EMC2: variants seen among roughly 807,000 people sequenced by gnomAD.
EMC2 encodes TPR repeat protein 35.
EMC2 carries 37 observed loss-of-function variants against 51.6 expected under a neutral mutation model. The ratio of observed to expected loss-of-function variants is 0.72; its 90% CI spans 0.55 to 0.94. EMC2 has a LOEUF of 0.94. EMC2 is among the 40% of genes least tolerant of loss of function. The pLI is 0.00. For synonymous variants in EMC2, 131 were observed against 112.4 expected (o/e 1.17, Z -1.04); for missense variants, 359 against 350.9 (o/e 1.02, Z -0.18).
intron 5 of EMC2, among the ~76,000 whole-genome samples, chr8:108,468,866 A>G (rs972382358): frequency 6.6e-6 from 1 of 152,202 alleles, no homozygotes; most frequent in African/African-American, 2.4e-5. Flanking sequence ...TACTTCAGCC[A>G]GTACTGCTTT....
chr8:108,461,319 A>G (rs549819292), intron 5 of EMC2, among the ~76,000 whole-genome samples: 12 of 152,362 alleles, frequency 7.9e-5, no homozygotes, highest in African/African-American at 2.9e-4. Context: ...ATTCTTTCAG[A>G]GAACATTTGT....
At chr8:108,478,976 T>A in intron 9 of EMC2, 30 bp from the exon 10 acceptor site, 7 of 1,379,244 alleles carry the variant, frequency 5.1e-6, no homozygotes, top group Non-Finnish European at 6.9e-6. Flanking sequence ...AAAAAGGAAT[T>A]TTGCTTTTGA....
chr8:108,473,514 G>A (rs1810896172), intron 7 of EMC2, among the ~76,000 whole-genome samples: 1 of 151,916 alleles, frequency 6.6e-6, no homozygotes, highest in Admixed American at 6.6e-5. Flanking sequence ...CCCAACCTTT[G>A]TAAGCAAAAA....
At chr8:108,452,960 A>C in intron 3 of EMC2, 102 bp from the exon 4 acceptor site, 2 of 479,234 alleles carry the variant, frequency 4.2e-6, no homozygotes, top group South Asian at 1.0e-4. Flanking sequence ...AGATGACACT[A>C]ATGAAATTAT....
At chr8:108,446,171 C>G (rs1818873737) in intron 1 of EMC2, 1 of 257,778 alleles carries the variant, frequency 3.9e-6, no homozygotes, top group Non-Finnish European at 8.2e-6. Context: ...GTGCCCAGAT[C>G]AGGCCTGGCA....
At chr8:108,444,699 C>T (rs891323498) in intron 1 of EMC2, among the ~76,000 whole-genome samples, 30 of 152,086 alleles carry the variant, frequency 2.0e-4, no homozygotes, top group African/African-American at 6.8e-4. Flanking sequence ...TTTCTTTGTA[C>T]TTGAACTGAA....
chr8:108,447,990 G>C (rs1435736235), intron 1 of EMC2, among the ~76,000 whole-genome samples: 1 of 151,832 alleles, frequency 6.6e-6, no homozygotes, highest in African/African-American at 2.4e-5. Context: ...TGCTTTACAC[G>C]AATTTTCTAG....
intron 7 of EMC2, among the ~76,000 whole-genome samples, chr8:108,473,548 A>T (rs1435716263): frequency 6.6e-6 from 1 of 152,006 alleles, no homozygotes; most frequent in Non-Finnish European, 1.5e-5. Context: ...TGAAAGACAA[A>T]TTTTTTTACT....
chr8:108,452,481 C>T (rs566180555), intron 3 of EMC2, among the ~76,000 whole-genome samples: 123 of 152,164 alleles, frequency 8.1e-4, no homozygotes, highest in Non-Finnish European at 1.4e-3. Flanking sequence ...GCAGGAGAAT[C>T]GCTTGAACCC....
In EMC2 at chr8:108,486,640, A is replaced by G. The variant is rs373736211; in HGVS notation, c.*42A>G. On this transcript the variant is annotated 3_prime_UTR_variant, in exon 11 of 11. Transcript: ENST00000220853. ...TGACATTAGATTTCACAACTGCACA[A>G]TTGAACTTATTGGCCTGTAACTTAT... 3.9e-6 allele frequency: 6 copies of G among 1,543,498 alleles called. No homozygotes were observed. The highest frequency in any genetic ancestry group is 2.5e-5 in the South Asian group (2 of 79,928).
At chr8:108,451,569 T>A (rs929444500) in intron 3 of EMC2, among the ~76,000 whole-genome samples, 12 of 151,942 alleles carry the variant, frequency 7.9e-5, no homozygotes, top group Non-Finnish European at 1.8e-4. Context: ...TGGCTATACA[T>A]GTAATTCTAG....
chr8:108,460,770 A>T (rs1819300383), intron 5 of EMC2, among the ~76,000 whole-genome samples: 1 of 152,244 alleles, frequency 6.6e-6, no homozygotes, highest in South Asian at 2.1e-4. Context: ...TACTCCCTGT[A>T]GTAACTAAAT....
At chr8:108,444,930 C>T (rs1175184507) in intron 1 of EMC2, among the ~76,000 whole-genome samples, 1 of 152,086 alleles carries the variant, frequency 6.6e-6, no homozygotes, top group Non-Finnish European at 1.5e-5. Context: ...GGGTATCTTC[C>T]GTAAGCTGAG....
At chr8:108,485,547 A>G in intron 10 of EMC2, among the ~76,000 whole-genome samples, 1 of 67,006 alleles carries the variant, frequency 1.5e-5, no homozygotes, top group East Asian at 3.0e-4. Context: ...ATATATGTAT[A>G]TATATATACA....
rs1386921173 is a variant in EMC2, at chr8:108,480,421, T to C, written c.807+1311T>C. Among the ~76,000 whole-genome samples, 5 of 152,240 alleles carry C rather than the reference T, an allele frequency of 3.3e-5. No individual in the cohort carries two copies. The South Asian group carries it at 8.3e-4, about 25-fold the overall frequency. ...GGCTATTCTATGGCCGTCTCCTTTT[T>C]TGCTAAAGAGAATTCAAATATGACC... On this transcript the variant is annotated intron_variant, in intron 10 of 10. Transcript: ENST00000220853.
At chr8:108,476,013 G>T in intron 8 of EMC2, 50 bp downstream of exon 8, 2 of 1,017,746 alleles carry the variant, frequency 2.0e-6, no homozygotes, top group Non-Finnish European at 3.0e-6. Context: ...GTTACTATTC[G>T]GTGTTATTAT....
intron 1 of EMC2, among the ~76,000 whole-genome samples, chr8:108,449,438 A>G (rs1000289146): frequency 1.3e-5 from 2 of 152,106 alleles, no homozygotes; most frequent in African/African-American, 2.4e-5. Flanking sequence ...ATAGTTGGCT[A>G]ATTTTTGTAT....
intron 5 of EMC2, among the ~76,000 whole-genome samples, chr8:108,459,719 A>AGAGAGAGAGAGAGT (rs1554617764): frequency 1.6e-5 from 2 of 128,910 alleles, no homozygotes; most frequent in African/African-American, 8.3e-5. Context: ...AGAGAGAGAG[A>AGAGAGAGAGAGAGT]GAGTGTGTGT....
intron 10 of EMC2, among the ~76,000 whole-genome samples, chr8:108,485,543 GTA>G (rs201480366): frequency 1.5e-4 from 10 of 65,714 alleles, no homozygotes; most frequent in African/African-American, 5.8e-4. Flanking sequence ...ATATATATAT[GTA>G]TATATATATA....
Sources: allele counts gnomAD v4.1 joint callset (sites outside exome capture counted in the v4.1 genomes callset), GRCh38; gene constraint gnomAD v4.1.1; transcripts MANE v1.5; gene names NCBI Gene and HGNC (gene_info 2026-07-23, HGNC 2026-07-21).